Variants in PLCB1 observed in about 807,000 individuals in gnomAD.
The protein encoded by PLCB1 is 1-phosphatidylinositol 4,5-bisphosphate phosphodiesterase beta-1.
PLCB1 carries 46 observed loss-of-function variants against 161.8 expected under a neutral mutation model. The observed-to-expected ratio is 0.28, with a 90% CI of 0.22 to 0.36. The LOEUF (loss-of-function observed/expected upper bound fraction) is 0.36, where lower values mean the gene tolerates loss of function less well. PLCB1 is among the 10% of genes least tolerant of loss of function. The probability of loss-of-function intolerance (pLI) is 1.00; values close to 1 mark genes in which losing one functional copy is unlikely to be tolerated. For missense variants in PLCB1, 1,016 were observed against 1,472.5 expected, an observed-to-expected ratio of 0.69 and a Z score of 5.07; for synonymous variants, 517 against 503.7, an observed-to-expected ratio of 1.03 and a Z score of -0.35.
chr20:8,593,684 T>C (rs1295306990), intron 3 of PLCB1, among the ~76,000 whole-genome samples: 1 of 151,884 alleles, frequency 6.6e-6, no homozygotes, highest in Non-Finnish European at 1.5e-5. Flanking sequence ...GTGAGGGAGG[T>C]GTCTTTATAA....
chr20:8,486,378 CT>C (rs1982722212), intron 3 of PLCB1, among the ~76,000 whole-genome samples: 1 of 151,474 alleles, frequency 6.6e-6, no homozygotes, highest in Non-Finnish European at 1.5e-5. Context: ...CCTTTTTAGA[CT>C]TTCAAGTTGG....
intron 2 of PLCB1, among the ~76,000 whole-genome samples, chr20:8,175,137 C>T (rs1049600222): frequency 2.6e-5 from 4 of 151,586 alleles, no homozygotes; most frequent in African/African-American, 9.7e-5. Flanking sequence ...AAACAAAAAC[C>T]TTACACTTAA....
At chr20:8,198,577 T>G (rs1367987033) in intron 2 of PLCB1, among the ~76,000 whole-genome samples, 1 of 152,104 alleles carries the variant, frequency 6.6e-6, no homozygotes, top group Non-Finnish European at 1.5e-5. Context: ...TTGGGATCTT[T>G]TTTTAAAATA....
chr20:8,619,750 T>A (rs987537888), intron 3 of PLCB1, among the ~76,000 whole-genome samples: 2 of 152,086 alleles, frequency 1.3e-5, no homozygotes, highest in Non-Finnish European at 2.9e-5. Context: ...AAGCTTCCCA[T>A]GGAAAAATGA....
rs574163659 is a variant in PLCB1 at position 8,845,936 on chromosome 20, G to C, written c.3424-35686G>C. 3.3e-5 allele frequency among the ~76,000 whole-genome samples: 5 copies of C among 152,308 alleles called. No homozygotes were observed. The East Asian group carries it at 9.6e-4, about 29-fold the overall frequency. On this transcript the variant is annotated intron_variant, in intron 31 of 31. Coordinates refer to ENST00000338037, the MANE Select transcript of PLCB1 (RefSeq NM_015192.4). Reference sequence around the variant, plus strand: ...AGTGTCCTGTAGGGAGGTGTTGATTGTAGAGACACACAGCAGGGGCTATAT... The same window carrying C: ...AGTGTCCTGTAGGGAGGTGTTGATTCTAGAGACACACAGCAGGGGCTATAT...
Position 8,232,512 on chromosome 20 carries a change from C to T in PLCB1, c.177+82141C>T, listed in dbSNP as rs561379833. Among the ~76,000 whole-genome samples, 241 of 152,226 alleles carry T rather than the reference C, an allele frequency of 1.6e-3. 4 individuals carry two copies. Among genetic ancestry groups the T allele is most frequent in the African/African-American group, 5.5e-3 (228 of 41,564 alleles). On this transcript the variant is annotated intron_variant, in intron 2 of 31. Coordinates refer to ENST00000338037, the MANE Select transcript of PLCB1 (RefSeq NM_015192.4). ...GGATGGTGACCTAGTTTAGCTCTAC[C>T]GTATTTCTCGAGCCAAGTAGAGAAG... is the stretch of plus-strand genomic sequence containing the variant.
At chr20:8,490,874 A>ATG (rs1982916883) in intron 3 of PLCB1, among the ~76,000 whole-genome samples, 4 of 144,864 alleles carry the variant, frequency 2.8e-5, no homozygotes, top group African/African-American at 7.4e-5. Flanking sequence ...ATATATATAT[A>ATG]TATGTACACA....
At chr20:8,560,507 A>T (rs1207762621) in intron 3 of PLCB1, among the ~76,000 whole-genome samples, 1 of 152,036 alleles carries the variant, frequency 6.6e-6, no homozygotes, top group Non-Finnish European at 1.5e-5. Context: ...TAATGCAATC[A>T]GAATCTCTGA....
At chr20:8,535,140 T>G (rs1984993676) in intron 3 of PLCB1, among the ~76,000 whole-genome samples, 1 of 138,310 alleles carries the variant, frequency 7.2e-6, no homozygotes, top group Non-Finnish European at 1.5e-5. Flanking sequence ...AGAGTCAATT[T>G]GGAATTTCTT....
chr20:8,865,849 A>C (rs897743655), intron 31 of PLCB1, among the ~76,000 whole-genome samples: 2 of 152,232 alleles, frequency 1.3e-5, no homozygotes, highest in African/African-American at 4.8e-5. Context: ...CAGGCACAGC[A>C]GACACCGTGG....
chr20:8,689,508 G>T (rs1188380236), intron 10 of PLCB1, among the ~76,000 whole-genome samples: 1 of 152,004 alleles, frequency 6.6e-6, no homozygotes, highest in African/African-American at 2.4e-5. Context: ...AATTCATTAA[G>T]GTGTGTCCCT....
At chr20:8,406,135 T>C (rs1978777934) in intron 3 of PLCB1, among the ~76,000 whole-genome samples, 2 of 152,194 alleles carry the variant, frequency 1.3e-5, no homozygotes, top group African/African-American at 2.4e-5. Context: ...GTTACAGATT[T>C]ACTTTATTGA....
intron 2 of PLCB1, among the ~76,000 whole-genome samples, chr20:8,203,237 G>A (rs1978344044): frequency 1.3e-5 from 2 of 152,108 alleles, no homozygotes; most frequent in South Asian, 4.2e-4. Flanking sequence ...TAGGAACGTG[G>A]GACCGACATA....
chr20:8,497,607 T>C (rs1251118740), intron 3 of PLCB1, among the ~76,000 whole-genome samples: 1 of 152,146 alleles, frequency 6.6e-6, no homozygotes, highest in African/African-American at 2.4e-5. Context: ...GACCATAAAA[T>C]AGATTGGTTG....
chr20:8,524,371 A>AT (rs1238848461), intron 3 of PLCB1, among the ~76,000 whole-genome samples: 1 of 151,656 alleles, frequency 6.6e-6, no homozygotes, highest in African/African-American at 2.4e-5. Flanking sequence ...CTTTCTTTTT[A>AT]TTTTTTCAGT....
chr20:8,527,058 G>A (rs569673453), intron 3 of PLCB1, among the ~76,000 whole-genome samples: 1 of 152,172 alleles, frequency 6.6e-6, no homozygotes, highest in South Asian at 2.1e-4. Context: ...AGTGGTGTCA[G>A]ACACATCTGG....
chr20:8,294,556 C>T (rs1015104759), intron 2 of PLCB1, among the ~76,000 whole-genome samples: 23 of 151,346 alleles, frequency 1.5e-4, no homozygotes, highest in African/African-American at 5.1e-4. Flanking sequence ...GTGTGTATAT[C>T]TACATGTCTA....
chr20:8,647,879 G>C, intron 5 of PLCB1, 21 bp from the exon 6 acceptor site: 1 of 1,603,714 alleles, frequency 6.2e-7, no homozygotes, highest in Non-Finnish European at 8.5e-7. Flanking sequence ...TCAAACCCTT[G>C]TTTTTCTGCT....
At chr20:8,665,339 A>C (rs1989784741) in intron 9 of PLCB1, among the ~76,000 whole-genome samples, 2 of 152,240 alleles carry the variant, frequency 1.3e-5, no homozygotes, top group African/African-American at 4.8e-5. Context: ...TTGTTGGCTA[A>C]ATTGTCATTT....
Sources: gnomAD v4.1 joint callset for allele counts (sites outside exome capture counted in the v4.1 genomes callset) on GRCh38, gnomAD v4.1.1 for gene constraint, MANE v1.5 for transcripts, NCBI Gene and HGNC (gene_info 2026-07-23, HGNC 2026-07-21) for gene names.